Variants in ZBBX observed in about 807,000 individuals in gnomAD.
ZBBX encodes zinc finger B-box domain containing.
A neutral mutation model predicts 108.5 loss-of-function variants in ZBBX; 101 were observed. That is an observed-to-expected ratio of 0.93 (90% CI 0.79 to 1.10). The LOEUF (loss-of-function observed/expected upper bound fraction) is 1.10, where lower values mean the gene tolerates loss of function less well. ZBBX is among the 50% of genes least tolerant of loss of function. ZBBX has a pLI of 0.00. For synonymous variants in ZBBX, 356 were observed against 323.4 expected (o/e 1.10, Z -1.08); for missense variants, 1,009 against 941.4 (o/e 1.07, Z -0.94).
intron 4 of ZBBX, among the ~76,000 whole-genome samples, chr3:167,372,397 C>T (rs565403820): frequency 3.3e-5 from 5 of 152,254 alleles, no homozygotes; most frequent in Admixed American, 3.3e-4. Context: ...CTGAATGCAT[C>T]TCCCAGTCAT....
chr3:167,186,434 G>T, the ZBBX span, among the ~76,000 whole-genome samples: 3 of 152,026 alleles, frequency 2.0e-5, no homozygotes, highest in Admixed American at 2.0e-4. Context: ...AGAAGGGATG[G>T]AAAAAGCTAA....
At chr3:167,247,865 T>C (rs1721860507) in intron 20 of ZBBX, among the ~76,000 whole-genome samples, 1 of 152,174 alleles carries the variant, frequency 6.6e-6, no homozygotes, top group Non-Finnish European at 1.5e-5. Context: ...CTCCCACTTC[T>C]CTCTTTTCTG....
At chr3:167,280,637 C>T (rs990070729) in intron 20 of ZBBX, among the ~76,000 whole-genome samples, 16 of 150,554 alleles carry the variant, frequency 1.1e-4, no homozygotes, top group African/African-American at 3.4e-4. Context: ...GAAATAGGAA[C>T]ACTTTTACAC....
At chr3:167,195,552 A>G in the ZBBX span, among the ~76,000 whole-genome samples, 1 of 152,176 alleles carries the variant, frequency 6.6e-6, no homozygotes, top group Non-Finnish European at 1.5e-5. Context: ...AGTCTTTATC[A>G]GACTGAAATT....
At chr3:167,336,986 C>T (rs936513309) in intron 9 of ZBBX, among the ~76,000 whole-genome samples, 1 of 152,014 alleles carries the variant, frequency 6.6e-6, no homozygotes, top group African/African-American at 2.4e-5. Context: ...GCACAGAGTA[C>T]GTTTTATTCT....
chr3:167,399,743 T>G (rs1202497293), intron 1 of ZBBX, among the ~76,000 whole-genome samples: 1 of 152,184 alleles, frequency 6.6e-6, no homozygotes, highest in Non-Finnish European at 1.5e-5. Context: ...TGGATACACA[T>G]GCTTGTTTGT....
At chr3:167,300,092 G>A (rs1732374895) in intron 17 of ZBBX, among the ~76,000 whole-genome samples, 1 of 152,136 alleles carries the variant, frequency 6.6e-6, no homozygotes, top group African/African-American at 2.4e-5. Context: ...ACCAGTGGTG[G>A]AAAATTTCTG....
At position 167,239,946 on chromosome 3, in the gene ZBBX, T is replaced by C. The variant is rs55989836; in HGVS notation, c.*847A>G. 0.017 allele frequency among the ~76,000 whole-genome samples: 2,605 copies of C among 152,138 alleles called. 76 individuals are homozygous for C. Among genetic ancestry groups the C allele is most frequent in the African/African-American group, 0.059 (2,456 of 41,502 alleles). On this transcript the variant is annotated 3_prime_UTR_variant, in exon 22 of 22. Transcript: ENST00000675490. ...GGAAGCAAACACATTCTTCTTCAAG[T>C]GGAGCAGCAAAGAGAAGTCCTGAGC...
At chr3:167,235,058 C>T (rs924127635), downstream of ZBBX, among the ~76,000 whole-genome samples, 8 of 151,846 alleles carry the variant, frequency 5.3e-5, no homozygotes, top group Non-Finnish European at 1.2e-4. Flanking sequence ...TGACTGTCTA[C>T]TACCAGACTT....
intron 20 of ZBBX, among the ~76,000 whole-genome samples, chr3:167,274,923 C>T (rs780176639): frequency 6.6e-6 from 1 of 152,156 alleles, no homozygotes; most frequent in Non-Finnish European, 1.5e-5. Flanking sequence ...TTGTTTGACA[C>T]AAGTGGCACC....
At chr3:167,264,367 C>A (rs535825706) in intron 20 of ZBBX, among the ~76,000 whole-genome samples, 55 of 151,706 alleles carry the variant, frequency 3.6e-4, no homozygotes, top group African/African-American at 1.3e-3. Context: ...TTTTTTATAT[C>A]TTTTGTATGT....
At chr3:167,203,807 A>G in the ZBBX span, among the ~76,000 whole-genome samples, 2 of 152,150 alleles carry the variant, frequency 1.3e-5, no homozygotes, top group Non-Finnish European at 2.9e-5. Context: ...GCCGAAATGT[A>G]ATATTGGCAA....
the ZBBX span, among the ~76,000 whole-genome samples, chr3:167,182,088 T>A: frequency 6.6e-6 from 1 of 152,198 alleles, no homozygotes; most frequent in East Asian, 1.9e-4. Context: ...TCAGCAGTTT[T>A]CTTTTTCCCC....
chr3:167,346,719 A>G (rs73169179), intron 9 of ZBBX, among the ~76,000 whole-genome samples: 5,247 of 152,022 alleles, frequency 0.035, 96 homozygotes, highest in East Asian at 0.062. Flanking sequence ...AAAAACCACT[A>G]CAAGATTGGT....
At chr3:167,399,439 T>G (rs1219259011) in intron 1 of ZBBX, 1 of 152,134 alleles carries the variant, frequency 6.6e-6, no homozygotes, top group African/African-American at 2.4e-5. Context: ...TAGCTTGCAC[T>G]CTGGTGCTAG....
rs930432943 is a variant in ZBBX at position 167,369,946 on chromosome 3, A to G, written c.69-1372T>C. Among the ~76,000 whole-genome samples, 4 of 152,306 alleles carry G rather than the reference A, an allele frequency of 2.6e-5. No individual in the cohort carries two copies. In the South Asian group the frequency reaches 8.3e-4, roughly 32 times the overall value. On this transcript the variant is annotated intron_variant, in intron 4 of 21. Transcript: ENST00000675490. ...CTCTGTGACCAGACATTAAGTGCAG[A>G]ATAGGAAAAGTAGCAAAAAATAAAA...
intron 12 of ZBBX, among the ~76,000 whole-genome samples, chr3:167,320,003 TGTGTGTGTGTGTGTGCACGCAC>T (rs755024212): frequency 1.2e-3 from 175 of 149,922 alleles, no homozygotes; most frequent in Non-Finnish European, 2.0e-3. Flanking sequence ...TATGTGGATT[TGTGTGTGTGTGTGTGCACGCAC>T]GTGTGTGTGT....
intron 17 of ZBBX, among the ~76,000 whole-genome samples, chr3:167,299,408 C>A (rs1231464090): frequency 2.6e-5 from 4 of 152,074 alleles, no homozygotes; most frequent in African/African-American, 9.7e-5. Context: ...CTGGCCCTCC[C>A]AGACACCAAT....
At chr3:167,378,657 C>G (rs1747335800) in intron 2 of ZBBX, among the ~76,000 whole-genome samples, 1 of 152,180 alleles carries the variant, frequency 6.6e-6, no homozygotes, top group African/African-American at 2.4e-5. Flanking sequence ...GCCTTAGAAA[C>G]TACCTAGAGA....
Sources: gnomAD v4.1 joint callset for allele counts (sites outside exome capture counted in the v4.1 genomes callset) on GRCh38, gnomAD v4.1.1 for gene constraint, MANE v1.5 for transcripts, NCBI Gene and HGNC (gene_info 2026-07-23, HGNC 2026-07-21) for gene names.